ADAMTS19: variants seen among roughly 807,000 people sequenced by gnomAD.
The protein encoded by ADAMTS19 is ADAM metallopeptidase with thrombospondin type 1 motif 19.
Under a neutral mutation model 153.3 loss-of-function variants are expected in ADAMTS19, and 93 were observed. The ratio of observed to expected loss-of-function variants is 0.61; its 90% CI spans 0.51 to 0.72. The LOEUF is 0.72. Ranked by LOEUF, ADAMTS19 falls within the 30% of genes least tolerant of loss-of-function variation. The pLI is 0.00. For missense variants in ADAMTS19, 1,482 were observed against 1,552.1 expected (o/e 0.95, Z 0.76); for synonymous variants, 600 against 556.6 (o/e 1.08, Z -1.10).
At chr5:129,611,457 A>G (rs1447189496) in intron 8 of ADAMTS19, among the ~76,000 whole-genome samples, 1 of 152,196 alleles carries the variant, frequency 6.6e-6, no homozygotes, top group Admixed American at 6.6e-5. Flanking sequence ...TCTTGAATTA[A>G]TTATTGTATA....
chr5:129,505,625 A>T (rs553297138), intron 2 of ADAMTS19, among the ~76,000 whole-genome samples: 16 of 152,282 alleles, frequency 1.1e-4, no homozygotes, highest in African/African-American at 3.8e-4. Flanking sequence ...ACATAAATAG[A>T]GAAAAAGAAA....
chr5:129,482,298 C>T (rs1750441155), intron 2 of ADAMTS19, among the ~76,000 whole-genome samples: 1 of 152,104 alleles, frequency 6.6e-6, no homozygotes, highest in Admixed American at 6.6e-5. Flanking sequence ...ACTTCTCTCA[C>T]CCAACAAACT....
At chr5:129,504,199 T>G (rs182716757) in intron 2 of ADAMTS19, among the ~76,000 whole-genome samples, 162 of 152,292 alleles carry the variant, frequency 1.1e-3, no homozygotes, top group Admixed American at 3.5e-3. Context: ...TTGCCCCCAC[T>G]CATAATGCCT....
chr5:129,537,368 C>T (rs993923299), intron 6 of ADAMTS19, among the ~76,000 whole-genome samples: 3 of 152,090 alleles, frequency 2.0e-5, no homozygotes, highest in African/African-American at 4.8e-5. Flanking sequence ...GTCGGTGTTG[C>T]GATTCCTCAG....
rs566965647 is a variant in ADAMTS19, at chr5:129,610,599, TC to T, written c.1479-10015del. On this transcript the variant is annotated intron_variant, in intron 8 of 22. Transcript: ENST00000274487. Reference sequence around the variant, plus strand: ...ATGATGGTTTTCAGCTTCACCCATGTCCCCACAAAGGACATGAACTCATCAT... The same window carrying T: ...ATGATGGTTTTCAGCTTCACCCATGTCCCACAAAGGACATGAACTCATCAT... Among the ~76,000 whole-genome samples, 652 of 152,240 alleles carry T rather than the reference TC, an allele frequency of 4.3e-3. 4 individuals are homozygous for T. The highest frequency in any genetic ancestry group is 0.025 in the East Asian group (131 of 5,174).
intron 22 of ADAMTS19, 100 bp downstream of exon 22, chr5:129,735,209 A>T (rs1757614418): frequency 8.6e-7 from 1 of 1,164,710 alleles, no homozygotes; most frequent in East Asian, 2.9e-5. Flanking sequence ...TTGTAAATCT[A>T]TACTGATTAT....
rs573146601 is a variant in ADAMTS19 at position 129,603,109 on chromosome 5, C to T, written c.1478+6445C>T. ...GATGTAGCTGATTTACATTCCGGCA[C>T]CAGCTACTTATCTGGATACAAATCA... On this transcript the variant is annotated intron_variant, in intron 8 of 22. Transcript: ENST00000274487. Among the ~76,000 whole-genome samples, 9 of 152,000 alleles carry T rather than the reference C, an allele frequency of 5.9e-5. No homozygotes were observed. The South Asian group carries it at 1.9e-3, about 32-fold the overall frequency.
chr5:129,581,443 G>C lies in ADAMTS19; in HGVS notation c.1373-15116G>C, dbSNP rs146336037. Among the ~76,000 whole-genome samples, 786 of 152,008 alleles carry C rather than the reference G, an allele frequency of 5.2e-3. 8 individuals carry two copies. Among genetic ancestry groups the C allele is most frequent in the African/African-American group, 0.017 (699 of 41,464 alleles). On this transcript the variant is annotated intron_variant, in intron 7 of 22. Coordinates refer to ENST00000274487, the MANE Select transcript of ADAMTS19 (RefSeq NM_133638.6). ...GTTTATATTTCTTGTGACCAGTGGT[G>C]ATATCCTCTTTGTCATTTTTTATTG... is the stretch of plus-strand genomic sequence containing the variant.
intron 11 of ADAMTS19, among the ~76,000 whole-genome samples, chr5:129,644,585 T>C (rs1465386367): frequency 6.6e-6 from 1 of 152,204 alleles, no homozygotes; most frequent in Non-Finnish European, 1.5e-5. Context: ...ATAATGCAAA[T>C]TGAAAACAAC....
Position 129,634,558 on chromosome 5 carries a change from A to G in ADAMTS19, c.1771-7301A>G, listed in dbSNP as rs141764535. 3.0e-4 allele frequency among the ~76,000 whole-genome samples: 46 copies of G among 152,236 alleles called. 1 individual carries two copies. The highest frequency in any genetic ancestry group is 1.6e-3 in the Admixed American group (25 of 15,274). Reference sequence around the variant, plus strand: ...CTCCAGGGCTACAGTACTAAAAACAACATGATACTGGGACAAAACAGACAC... The same window carrying G: ...CTCCAGGGCTACAGTACTAAAAACAGCATGATACTGGGACAAAACAGACAC... On this transcript the variant is annotated intron_variant, in intron 10 of 22. Transcript: ENST00000274487.
chr5:129,544,319 C>G (rs1752770896), intron 6 of ADAMTS19, among the ~76,000 whole-genome samples: 1 of 152,108 alleles, frequency 6.6e-6, no homozygotes, highest in African/African-American at 2.4e-5. Flanking sequence ...ATTGAGACAG[C>G]TCTGCAGTCT....
At chr5:129,527,101 T>C (rs180710400) in intron 4 of ADAMTS19, among the ~76,000 whole-genome samples, 78 of 151,990 alleles carry the variant, frequency 5.1e-4, no homozygotes, top group African/African-American at 1.9e-3. Context: ...GATTTCTGAT[T>C]GTAGAAATCC....
chr5:129,510,856 GATATAT>G (rs60233609), intron 3 of ADAMTS19, among the ~76,000 whole-genome samples: 2 of 141,120 alleles, frequency 1.4e-5, no homozygotes, highest in African/African-American at 5.2e-5. Flanking sequence ...AAGTTTCTGA[GATATAT>G]ATATATATAT....
intron 20 of ADAMTS19, among the ~76,000 whole-genome samples, chr5:129,703,419 A>G (rs1393847803): frequency 1.3e-5 from 2 of 152,124 alleles, no homozygotes; most frequent in African/African-American, 4.8e-5. Context: ...ATTTCTAGGA[A>G]TATATAATTA....
chr5:129,736,145 G>T (rs775475370), intron 22 of ADAMTS19, among the ~76,000 whole-genome samples: 1 of 151,970 alleles, frequency 6.6e-6, no homozygotes, highest in Non-Finnish European at 1.5e-5. Flanking sequence ...TAGAGCAGAT[G>T]TACTAAATCC....
At chr5:129,717,637 C>T (rs1180060399) in intron 21 of ADAMTS19, among the ~76,000 whole-genome samples, 2 of 152,140 alleles carry the variant, frequency 1.3e-5, no homozygotes, top group African/African-American at 2.4e-5. Context: ...GTCTTGAATC[C>T]GTTTGGCTGG....
chr5:129,707,421 T>C (rs970831416), intron 21 of ADAMTS19, among the ~76,000 whole-genome samples: 7 of 152,210 alleles, frequency 4.6e-5, no homozygotes, highest in Non-Finnish European at 8.8e-5. Flanking sequence ...ATTTCTTTCC[T>C]TTTTCATTAT....
chr5:129,571,515 G>A (rs963617287), intron 7 of ADAMTS19, among the ~76,000 whole-genome samples: 2 of 151,610 alleles, frequency 1.3e-5, no homozygotes, highest in Non-Finnish European at 3.0e-5. Flanking sequence ...AAATGCCGAT[G>A]GGAGCAATAA....
At chr5:129,643,972 CTTGT>C (rs1343006441) in intron 11 of ADAMTS19, among the ~76,000 whole-genome samples, 1 of 151,912 alleles carries the variant, frequency 6.6e-6, no homozygotes, top group Non-Finnish European at 1.5e-5. Flanking sequence ...CATCACATAG[CTTGT>C]TTGTCTTTAG....
Sources: allele counts gnomAD v4.1 joint callset (sites outside exome capture counted in the v4.1 genomes callset), GRCh38; gene constraint gnomAD v4.1.1; transcripts MANE v1.5; gene names NCBI Gene and HGNC (gene_info 2026-07-23, HGNC 2026-07-21).